Variants in NLGN1 observed in about 807,000 individuals in gnomAD.
NLGN1 encodes the protein neuroligin 1, also known as neuroligin-1.
A neutral mutation model predicts 65.5 loss-of-function variants in NLGN1; 12 were observed. The ratio of observed to expected loss-of-function variants is 0.18; its 90% confidence interval spans 0.12 to 0.30. The LOEUF is 0.30. Among genes scored for constraint, NLGN1 ranks in the 10% least tolerant of loss-of-function variants. The pLI, the probability that NLGN1 is intolerant of heterozygous loss-of-function variation, is 1.00. For missense variants in NLGN1, 750 were observed against 1,007.1 expected (o/e 0.74, Z 3.46); for synonymous variants, 350 against 359.5 (o/e 0.97, Z 0.30).
chr3:173,465,800 C>T (rs370079972), intron 2 of NLGN1, among the ~76,000 whole-genome samples: 3 of 152,132 alleles, frequency 2.0e-5, no homozygotes, highest in South Asian at 2.1e-4. Context: ...TATGCCAGTG[C>T]CTCCAACATC....
chr3:173,726,359 G>T (rs569634390), intron 3 of NLGN1, among the ~76,000 whole-genome samples: 7 of 151,946 alleles, frequency 4.6e-5, no homozygotes, highest in African/African-American at 1.7e-4. Flanking sequence ...TGGGAATACG[G>T]CAAGGTAATT....
At chr3:174,205,523 C>T (rs960928030) in intron 4 of NLGN1, among the ~76,000 whole-genome samples, 2 of 151,884 alleles carry the variant, frequency 1.3e-5, no homozygotes, top group African/African-American at 2.4e-5. Context: ...GTTTTCAACT[C>T]CTCAGGACTT....
intron 4 of NLGN1, among the ~76,000 whole-genome samples, chr3:174,268,952 C>T (rs73170418): frequency 7.3e-5 from 11 of 150,614 alleles, no homozygotes; most frequent in Non-Finnish European, 1.5e-4. Flanking sequence ...AACCTCATTT[C>T]AGAGCCAGGT....
chr3:173,862,505 C>CA (rs10601211), intron 4 of NLGN1, among the ~76,000 whole-genome samples: 1,517 of 41,606 alleles, frequency 0.036, 134 homozygotes, highest in Non-Finnish European at 0.048. Context: ...GACTCCGTCT[C>CA]AAAAAAAAAA....
Position 173,618,204 on chromosome 3 carries a change from C to T in NLGN1, c.493+13113C>T, listed in dbSNP as rs981782761. 2.8e-3 allele frequency among the ~76,000 whole-genome samples: 420 copies of T among 150,158 alleles called. 1 individual carries two copies. Among genetic ancestry groups the T allele is most frequent in the Admixed American group, 5.0e-3 (74 of 14,900 alleles). On this transcript the variant is annotated intron_variant, in intron 3 of 6. Coordinates refer to ENST00000457714, the Ensembl canonical transcript of NLGN1. ...TTTTTGTCATTGTTCTTCTTTTCTT[C>T]TTTTTTTTAGAGACAGGGTCTCACT...
chr3:173,837,093 A>G (rs538822744), intron 4 of NLGN1, among the ~76,000 whole-genome samples: 48 of 152,260 alleles, frequency 3.2e-4, no homozygotes, highest in Middle Eastern at 3.4e-3. Flanking sequence ...TATTTACATG[A>G]TGGACTGATA....
intron 4 of NLGN1, among the ~76,000 whole-genome samples, chr3:174,032,406 G>T (rs1156787186): frequency 6.6e-6 from 1 of 152,132 alleles, no homozygotes; most frequent in African/African-American, 2.4e-5. Flanking sequence ...AGCTCTTTAG[G>T]TGGTATCAAT....
At chr3:173,551,801 G>GT (rs550775344) in intron 2 of NLGN1, among the ~76,000 whole-genome samples, 3 of 152,250 alleles carry the variant, frequency 2.0e-5, no homozygotes, top group African/African-American at 7.2e-5. Flanking sequence ...CTGAACTTAC[G>GT]TTTTTTCACT....
At chr3:174,020,641 A>G (rs1159655060) in intron 4 of NLGN1, among the ~76,000 whole-genome samples, 1 of 152,130 alleles carries the variant, frequency 6.6e-6, no homozygotes, top group Non-Finnish European at 1.5e-5. Flanking sequence ...TATTGGAGTC[A>G]TTCACTAATG....
At chr3:173,930,891 A>G (rs1037048096) in intron 4 of NLGN1, among the ~76,000 whole-genome samples, 1 of 152,206 alleles carries the variant, frequency 6.6e-6, no homozygotes, top group African/African-American at 2.4e-5. Flanking sequence ...CCAGTAAGTC[A>G]CTAAGCTCTC....
chr3:174,012,256 G>A (rs913844066), intron 4 of NLGN1, among the ~76,000 whole-genome samples: 2 of 152,098 alleles, frequency 1.3e-5, no homozygotes, highest in Non-Finnish European at 2.9e-5. Context: ...AGTTCACCTG[G>A]CCCTATACAT....
intron 3 of NLGN1, among the ~76,000 whole-genome samples, chr3:173,654,434 A>T (rs915320867): frequency 6.6e-6 from 1 of 152,158 alleles, no homozygotes; most frequent in African/African-American, 2.4e-5. Context: ...TGTTACTCTT[A>T]TCCTGTATAC....
intron 4 of NLGN1, among the ~76,000 whole-genome samples, chr3:173,808,555 C>A (rs1717177210): frequency 6.6e-6 from 1 of 152,016 alleles, no homozygotes; most frequent in African/African-American, 2.4e-5. Flanking sequence ...ACTTGCTATT[C>A]TAGCATATAT....
At chr3:173,906,266 C>T (rs1033190837) in intron 4 of NLGN1, among the ~76,000 whole-genome samples, 8 of 152,136 alleles carry the variant, frequency 5.3e-5, no homozygotes, top group African/African-American at 1.9e-4. Flanking sequence ...TTTTTATTAG[C>T]ATTTTTTCCA....
chr3:173,807,130 TA>T (rs1326073791), intron 3 of NLGN1, among the ~76,000 whole-genome samples: 1 of 152,170 alleles, frequency 6.6e-6, no homozygotes, highest in African/African-American at 2.4e-5. Flanking sequence ...ACTTAGGTAG[TA>T]AACTGAAACA....
At chr3:173,438,263 A>T (rs1178657492) in intron 2 of NLGN1, among the ~76,000 whole-genome samples, 2 of 152,098 alleles carry the variant, frequency 1.3e-5, no homozygotes, top group Non-Finnish European at 2.9e-5. Flanking sequence ...TATATCCTAG[A>T]TGCATAAATG....
rs1408806519 is a variant in NLGN1, at chr3:173,930,015, A to G, written c.646+122183A>G. Among the ~76,000 whole-genome samples the G allele has an allele frequency of 2.6e-5, 4 of 152,218 alleles. No individual in the cohort carries two copies. The East Asian group carries it at 7.7e-4, about 29-fold the overall frequency. On this transcript the variant is annotated intron_variant, in intron 4 of 6. Coordinates refer to ENST00000457714, the Ensembl canonical transcript of NLGN1. ...CACCACGCCTGGCCAAGCTTCTTCA[A>G]ATAAATTCCTTCCTACAACTTTTTT...
intron 3 of NLGN1, among the ~76,000 whole-genome samples, chr3:173,659,707 G>T (rs568161107): frequency 4.6e-5 from 7 of 151,742 alleles, no homozygotes; most frequent in African/African-American, 1.7e-4. Context: ...TTCAAATCAT[G>T]GTGTGTACCT....
chr3:174,099,101 A>G (rs1188734170), intron 4 of NLGN1, among the ~76,000 whole-genome samples: 1 of 152,204 alleles, frequency 6.6e-6, no homozygotes, highest in Non-Finnish European at 1.5e-5. Context: ...GTCTTTAACA[A>G]CAAATGTATA....
Sources: gnomAD v4.1 joint callset for allele counts (sites outside exome capture counted in the v4.1 genomes callset) on GRCh38, gnomAD v4.1.1 for gene constraint, MANE v1.5 for transcripts, NCBI Gene and HGNC (gene_info 2026-07-23, HGNC 2026-07-21) for gene names.